The following LEMD2 variants were observed in gnomAD, a reference collection of about 807,000 sequenced individuals.
LEMD2 encodes LEM domain-containing protein 2.
A neutral mutation model predicts 58.8 loss-of-function variants in LEMD2; 34 were observed. That is an observed-to-expected ratio of 0.58 (90% confidence interval 0.44 to 0.77). The LOEUF is 0.77. Among genes scored for constraint, LEMD2 ranks in the 30% least tolerant of loss-of-function variants. LEMD2 has a pLI of 0.00. For missense variants in LEMD2, 629 were observed against 717.9 expected (o/e 0.88, Z 1.42); for synonymous variants, 298 against 308.9 (o/e 0.96, Z 0.37).
At position 33,789,030 on chromosome 6, in the gene LEMD2, A is replaced by C. The variant is rs1414086648; in HGVS notation, c.87T>G (p.Asp29Glu). Residue 29 changes from aspartate (D) to glutamate (E), a missense_variant, in exon 1 of 9, where the codon GAT becomes GAG. Asp to Glu is a conservative substitution (Grantham distance 45). This residue lies in a region of LEMD2 where 386 missense variants were observed against 381.1 expected (regional missense o/e 1.01). Transcript: ENST00000293760. ...GGCGGCGCAGCTTGTTGCGGTAGACATCCCGGGTGGTGTCGGTGATGGGTC... is the reference window on the plus strand; with the variant it reads ...GGCGGCGCAGCTTGTTGCGGTAGACCTCCCGGGTGGTGTCGGTGATGGGTC... Reference protein sequence around the residue: ...QPGPITDTTRDVYRNKLRRLR... With the variant: ...QPGPITDTTREVYRNKLRRLR... 1.3e-6 allele frequency: 2 copies of C among 1,557,608 alleles called. No homozygotes were observed. Among genetic ancestry groups the C allele is most frequent in the Non-Finnish European group, 1.7e-6 (2 of 1,158,656 alleles).
chr6:33,777,845 CAGG>C (rs1463346333), intron 6 of LEMD2, among the ~76,000 whole-genome samples: 1 of 152,154 alleles, frequency 6.6e-6, no homozygotes, highest in African/African-American at 2.4e-5. Flanking sequence ...TGTAGCTCTC[CAGG>C]AGATGTTTAT....
intron 5 of LEMD2, chr6:33,779,753 G>T: frequency 4.5e-6 from 1 of 221,364 alleles, no homozygotes; most frequent in Non-Finnish European, 8.9e-6. Context: ...ACTAGCTCCC[G>T]AGGAGGGGAA....
chr6:33,784,651 T>A (rs1424743119), intron 2 of LEMD2: 1 of 491,294 alleles, frequency 2.0e-6, no homozygotes, highest in African/African-American at 1.9e-5. Flanking sequence ...GAGGCAAAGC[T>A]GAAAGCAGAC....
At chr6:33,787,147 A>G (rs933164062) in intron 1 of LEMD2, 3 of 241,542 alleles carry the variant, frequency 1.2e-5, no homozygotes. Context: ...GTAAACAATG[A>G]TATGTTAAAC....
At chr6:33,781,009 G>C (rs1767552759) in intron 4 of LEMD2, 68 bp downstream of exon 4, 1 of 1,084,122 alleles carries the variant, frequency 9.2e-7, no homozygotes, top group African/African-American at 1.6e-5. Flanking sequence ...AACCCCAACA[G>C]GGCTTGAAAG....
In LEMD2 at chr6:33,788,558, C is replaced by T; in HGVS notation, c.559G>A (p.Ala187Thr). 6 of 1,412,922 alleles carry T rather than the reference C, an allele frequency of 4.2e-6. No individual in the cohort carries two copies. The highest frequency in any genetic ancestry group is 5.5e-6 in the Non-Finnish European group (6 of 1,087,940). The allele number at this position is 1,412,922 out of a possible 1,614,324, so 87.5% of individuals were successfully genotyped here. Residue 187 changes from alanine to threonine, a missense_variant, in exon 1 of 9, where the codon GCG (alanine) becomes ACG (threonine). Around this residue, in one of 2 missense-constraint regions of LEMD2, gnomAD observed 386 missense variants for 381.1 expected, o/e 1.01. Coordinates refer to ENST00000293760, the MANE Select transcript of LEMD2 (RefSeq NM_181336.4). ...LGPDPRPGLR[A>T]TRAGPAGAAR... ...GCGCCAGCAGGGCCCGCTCGAGTCGCCCGCAGGCCCGGGCGCGGGTCGGGA... is the reference window on the plus strand; with the variant it reads ...GCGCCAGCAGGGCCCGCTCGAGTCGTCCGCAGGCCCGGGCGCGGGTCGGGA...
In LEMD2 at chr6:33,772,653, G is replaced by C; in HGVS notation, c.1487C>G (p.Ser496Cys). ...DMLVWRWTKPSSFSDSER is the reference protein window; with the variant it reads ...DMLVWRWTKPCSFSDSER ...TTATCGCTCTGAGTCAGAGAAGGAAGAGGGCTTAGTCCATCTCCACACCAG... is the reference window on the plus strand; with the variant it reads ...TTATCGCTCTGAGTCAGAGAAGGAACAGGGCTTAGTCCATCTCCACACCAG... Residue 496 changes from serine (S) to cysteine (C), a missense_variant, in exon 9 of 9, where the codon TCT becomes TGT. By Grantham distance (112) the Ser-to-Cys change is moderately radical. This residue lies in a region of LEMD2 where 243 missense variants were observed against 336.8 expected (regional missense o/e 0.72). Coordinates refer to ENST00000293760, the MANE Select transcript of LEMD2 (RefSeq NM_181336.4). 6.2e-7 allele frequency: 1 copy of C among 1,614,024 alleles called. No individual in the cohort carries two copies. The highest frequency in any genetic ancestry group is 8.5e-7 in the Non-Finnish European group (1 of 1,179,988).
At chr6:33,787,844 T>C (rs765393471) in intron 1 of LEMD2, among the ~76,000 whole-genome samples, 1 of 152,238 alleles carries the variant, frequency 6.6e-6, no homozygotes, top group Non-Finnish European at 1.5e-5. Context: ...TTAACCTGTC[T>C]GGCAAGCAAG....
At chr6:33,783,460 C>T (rs970935159) in intron 3 of LEMD2, among the ~76,000 whole-genome samples, 8 of 152,180 alleles carry the variant, frequency 5.3e-5, no homozygotes, top group Admixed American at 2.6e-4. Flanking sequence ...TAAGACCTGT[C>T]CTCTGACCCC....
chr6:33,788,471 A>G lies in LEMD2; in HGVS notation c.646T>C (p.Trp216Arg), dbSNP rs1483785368. Residue 216 changes from tryptophan to arginine, a missense_variant, in exon 1 of 9, where the codon TGG becomes CGG. Trp to Arg is a moderately radical substitution (Grantham distance 101). Transcript: ENST00000293760. ...LERWLSRLLL[W>R]ASLGLLLVFL... ...ACGAGCAGTAGCCCTAGGCTGGCCC[A>G]GAGCAGAAGCCGAGAGAGCCAGCGC... 6.4e-7 allele frequency: 1 copy of G among 1,561,156 alleles called. No individual in the cohort carries two copies. Among genetic ancestry groups the G allele is most frequent in the Non-Finnish European group, 8.7e-7 (1 of 1,154,546 alleles).
At chr6:33,784,471 G>GT in intron 2 of LEMD2, 44 bp from the exon 3 acceptor site, 1 of 437,554 alleles carries the variant, frequency 2.3e-6, no homozygotes, top group African/African-American at 2.1e-5. Flanking sequence ...GGGGTGGGTG[G>GT]GAGGGGTCCG....
At chr6:33,775,989 G>T (rs1199059380) in intron 8 of LEMD2, among the ~76,000 whole-genome samples, 3 of 152,142 alleles carry the variant, frequency 2.0e-5, no homozygotes, top group African/African-American at 4.8e-5. Flanking sequence ...CACTGGGGGG[G>T]GCCCTGCTGG....
intron 3 of LEMD2, among the ~76,000 whole-genome samples, chr6:33,783,371 G>A (rs1767606617): frequency 6.6e-6 from 1 of 152,152 alleles, no homozygotes; most frequent in Admixed American, 6.5e-5. Flanking sequence ...GATTGACCCT[G>A]AGGACTGAGG....
chr6:33,774,724 C>T (rs114597815), intron 8 of LEMD2, among the ~76,000 whole-genome samples: 5,547 of 152,294 alleles, frequency 0.036, 294 homozygotes, highest in African/African-American at 0.12. Flanking sequence ...GCCACCGTGC[C>T]TGGCTACTAG....
Position 33,777,031 on chromosome 6 carries a change from G to C in LEMD2, c.1284C>G (p.Asp428Glu), listed in dbSNP as rs150526766. ...GATAGCGCTCCATGTCCTGCTCCCA[G>C]TCCACGTAATGGTCCTGGACCACGT... Reference protein sequence around the residue: ...IIDVVQDHYVDWEQDMERYPY... With the variant: ...IIDVVQDHYVEWEQDMERYPY... The change falls in exon 8 of 9, where the codon GAC becomes GAG. Residue 428 changes from aspartate to glutamate, a missense_variant. By Grantham distance (45) the Asp-to-Glu change is conservative. Transcript: ENST00000293760. 1 of 1,614,020 alleles carries C rather than the reference G, an allele frequency of 6.2e-7. No individual in the cohort carries two copies. Among genetic ancestry groups the C allele is most frequent in the Non-Finnish European group, 8.5e-7 (1 of 1,179,992 alleles).
At chr6:33,776,827 T>C (rs1767440317) in intron 8 of LEMD2, 127 bp downstream of exon 8, 2 of 734,660 alleles carry the variant, frequency 2.7e-6, no homozygotes. Context: ...GCAGAGCCAC[T>C]CTTGGCCCTG....
rs202201084 is a variant in LEMD2 at position 33,772,604 on chromosome 6, C to G, written c.*24G>C. On this transcript the variant is annotated 3_prime_UTR_variant, in exon 9 of 9. Coordinates refer to ENST00000293760, the MANE Select transcript of LEMD2 (RefSeq NM_181336.4). ...GTGGGCTGTCCTGGGACAGGCTGAC[C>G]GGGAACAAGTCCCCGCCCGGGGCTT... The G allele has an allele frequency of 5.9e-4, 955 of 1,605,548 alleles. 8 individuals carry two copies. The South Asian group carries it at 6.5e-3, about 11-fold the overall frequency.
At chr6:33,786,485 G>A (rs1388863273) in intron 2 of LEMD2, among the ~76,000 whole-genome samples, 5 of 152,192 alleles carry the variant, frequency 3.3e-5, no homozygotes, top group African/African-American at 1.2e-4. Flanking sequence ...AGTCCCCGAT[G>A]CTACATTTGA....
At position 33,780,080 on chromosome 6, in the gene LEMD2, G is replaced by A. The variant is rs779108234; in HGVS notation, c.1010+20C>T. ...TGGTTGCAGGCACCCATGCTGCGTC[G>A]CCACCCTGCCCACACTCACCAGATG... On this transcript the variant is annotated intron_variant, in intron 5 of 8. Transcript: ENST00000293760. The A allele has an allele frequency of 3.1e-5, 49 of 1,568,118 alleles. No homozygotes were observed. The highest frequency in any genetic ancestry group is 1.8e-4 in the Middle Eastern group (1 of 5,706).
Sources: allele counts gnomAD v4.1 joint callset (sites outside exome capture counted in the v4.1 genomes callset), GRCh38; gene constraint gnomAD v4.1.1; regional missense constraint gnomAD v4.1.1; transcripts MANE v1.5; gene names NCBI Gene and HGNC (gene_info 2026-07-23, HGNC 2026-07-21).